The following CSMD1 variants were observed in gnomAD, a reference collection of about 807,000 sequenced individuals.
CSMD1 encodes the protein CUB and sushi domain-containing protein 1.
CSMD1 carries 213 observed loss-of-function variants against 417.5 expected under a neutral mutation model. The ratio of observed to expected loss-of-function variants is 0.51; its 90% CI spans 0.46 to 0.57. The LOEUF is 0.57. Among genes scored for constraint, CSMD1 ranks in the 20% least tolerant of loss-of-function variants. The pLI is 0.00. For missense variants in CSMD1, 6,923 were observed against 4,529.7 expected, an observed-to-expected ratio of 1.53 and a Z score of -15.17; for synonymous variants, 2,862 against 1,736.8, an observed-to-expected ratio of 1.65 and a Z score of -16.11.
intron 3 of CSMD1, among the ~76,000 whole-genome samples, chr8:4,142,750 C>T (rs1258498287): frequency 1.3e-5 from 2 of 151,016 alleles, no homozygotes; most frequent in African/African-American, 2.5e-5. Flanking sequence ...TTACATTGAA[C>T]TTGCCAATCA....
At chr8:3,073,546 T>C (rs988498809) in intron 49 of CSMD1, among the ~76,000 whole-genome samples, 2 of 152,138 alleles carry the variant, frequency 1.3e-5, no homozygotes, top group African/African-American at 2.4e-5. Flanking sequence ...TATGTATAAA[T>C]GAAATCATTC....
intron 3 of CSMD1, among the ~76,000 whole-genome samples, chr8:4,111,481 G>A (rs1428802050): frequency 6.6e-6 from 1 of 152,166 alleles, no homozygotes; most frequent in Non-Finnish European, 1.5e-5. Flanking sequence ...TATGTTCATT[G>A]CAGCACTATC....
At chr8:4,388,694 C>G (rs1584998949) in intron 3 of CSMD1, among the ~76,000 whole-genome samples, 1 of 152,042 alleles carries the variant, frequency 6.6e-6, no homozygotes, top group Admixed American at 6.5e-5. Context: ...TCCAATAGCT[C>G]ATGGAAAAAA....
intron 10 of CSMD1, among the ~76,000 whole-genome samples, chr8:3,558,099 C>T (rs1311899684): frequency 6.7e-6 from 1 of 150,184 alleles, no homozygotes; most frequent in Non-Finnish European, 1.5e-5. Context: ...TCGACTCCTC[C>T]AATGATGAAT....
At chr8:4,941,827 G>C (rs1395532009) in intron 1 of CSMD1, among the ~76,000 whole-genome samples, 3 of 152,070 alleles carry the variant, frequency 2.0e-5, no homozygotes, top group Non-Finnish European at 4.4e-5. Flanking sequence ...TTGAACTCCT[G>C]AGCTCAAAGC....
intron 38 of CSMD1, 24 bp from the exon 39 acceptor site, chr8:3,157,990 A>T: frequency 6.6e-7 from 1 of 1,524,258 alleles, no homozygotes; most frequent in South Asian, 1.2e-5. Flanking sequence ...AACAAAAGAA[A>T]ATACATATAA....
intron 3 of CSMD1, among the ~76,000 whole-genome samples, chr8:4,279,796 T>G (rs1164028961): frequency 2.0e-5 from 3 of 152,066 alleles, no homozygotes; most frequent in Non-Finnish European, 4.4e-5. Flanking sequence ...CCAGGAGTGT[T>G]GGATTATGTC....
chr8:4,785,088 G>A (rs1021956908), intron 1 of CSMD1, among the ~76,000 whole-genome samples: 3 of 152,180 alleles, frequency 2.0e-5, no homozygotes, highest in Non-Finnish European at 4.4e-5. Flanking sequence ...GAATCTCTCT[G>A]GGTCATGAGT....
intron 2 of CSMD1, among the ~76,000 whole-genome samples, chr8:4,495,278 T>C (rs905698560): frequency 1.3e-5 from 2 of 152,132 alleles, no homozygotes; most frequent in African/African-American, 4.8e-5. Flanking sequence ...ATGTGACTAA[T>C]ACAAAATGAT....
At chr8:3,334,397 A>C (rs1478278689) in intron 23 of CSMD1, among the ~76,000 whole-genome samples, 1 of 152,122 alleles carries the variant, frequency 6.6e-6, no homozygotes, top group Non-Finnish European at 1.5e-5. Flanking sequence ...CGGTCCTGAG[A>C]GTGTATTCCT....
intron 3 of CSMD1, among the ~76,000 whole-genome samples, chr8:4,099,296 T>C (rs754125716): frequency 1.4e-4 from 21 of 152,200 alleles, no homozygotes; most frequent in Middle Eastern, 6.8e-3. Flanking sequence ...CCTTATTATC[T>C]CTACTGAATT....
intron 1 of CSMD1, among the ~76,000 whole-genome samples, chr8:4,702,359 G>C (rs7015177): frequency 0.59 from 89,819 of 152,090 alleles, 28,286 homozygotes; most frequent in African/African-American, 0.8. Flanking sequence ...TGACCCTCCT[G>C]CTCTCCGAAG....
chr8:3,891,412 GC>G (rs1221198704), intron 5 of CSMD1, among the ~76,000 whole-genome samples: 3 of 152,094 alleles, frequency 2.0e-5, no homozygotes, highest in Non-Finnish European at 2.9e-5. Context: ...AGGTATGGTG[GC>G]TCACGCCTAC....
At chr8:3,732,983 C>G (rs965209927) in intron 6 of CSMD1, among the ~76,000 whole-genome samples, 4 of 152,058 alleles carry the variant, frequency 2.6e-5, no homozygotes, top group African/African-American at 7.2e-5. Context: ...ACCAACCTAC[C>G]TACCTACCTA....
chr8:3,495,246 C>G (rs1796316409), intron 10 of CSMD1, among the ~76,000 whole-genome samples: 1 of 152,164 alleles, frequency 6.6e-6, no homozygotes, highest in Non-Finnish European at 1.5e-5. Flanking sequence ...TGACCATCAT[C>G]TGATAATCAG....
intron 7 of CSMD1, among the ~76,000 whole-genome samples, chr8:3,667,422 G>C (rs1417981026): frequency 6.6e-6 from 1 of 151,320 alleles, no homozygotes; most frequent in Non-Finnish European, 1.5e-5. Context: ...TCTTGGGGAA[G>C]AGATTTTGGA....
intron 1 of CSMD1, among the ~76,000 whole-genome samples, chr8:4,896,140 A>AT (rs1378125600): frequency 1.3e-5 from 2 of 151,984 alleles, no homozygotes; most frequent in African/African-American, 2.4e-5. Context: ...TAGCATAAAT[A>AT]TTTTTTTAAA....
intron 5 of CSMD1, among the ~76,000 whole-genome samples, chr8:3,941,600 C>T (rs1302669881): frequency 2.0e-5 from 3 of 152,046 alleles, no homozygotes; most frequent in East Asian, 1.9e-4. Flanking sequence ...TAATAATAAG[C>T]ATATGGTAAT....
rs184509221 is a variant in CSMD1, at chr8:3,660,383, G to C, written c.1010-43586C>G. ...CTTCCCAGGGACCAGCACAGAAAAA[G>C]TAATCCACGTATGTTGGCATTTCTT... On this transcript the variant is annotated intron_variant, in intron 7 of 69. Transcript: ENST00000635120. Among the ~76,000 whole-genome samples, 357 of 150,508 alleles carry C rather than the reference G, an allele frequency of 2.4e-3. 6 individuals carry two copies. The highest frequency in any genetic ancestry group is 3.4e-3 in the Non-Finnish European group (233 of 67,714).
Sources: gnomAD v4.1 joint callset for allele counts (sites outside exome capture counted in the v4.1 genomes callset) on GRCh38, gnomAD v4.1.1 for gene constraint, MANE v1.5 for transcripts, NCBI Gene and HGNC (gene_info 2026-07-23, HGNC 2026-07-21) for gene names.